PABPC4L: variants seen among roughly 807,000 people sequenced by gnomAD.
The protein encoded by PABPC4L is poly(A) binding protein cytoplasmic 4 like, also known as polyadenylate-binding protein 4-like.
For synonymous variants in PABPC4L, 169 were observed against 164.1 expected (o/e 1.03, Z -0.23); for missense variants, 452 against 451.4 (o/e 1.00, Z -0.01).
chr4:134,099,121 C>G, the PABPC4L span, among the ~76,000 whole-genome samples: 1 of 151,616 alleles, frequency 6.6e-6, no homozygotes, highest in Non-Finnish European at 1.5e-5. Context: ...CGATTTTACT[C>G]TTCAAATGGG....
At chr4:134,019,166 A>G in the PABPC4L span, among the ~76,000 whole-genome samples, 1 of 152,152 alleles carries the variant, frequency 6.6e-6, no homozygotes, top group Non-Finnish European at 1.5e-5. Context: ...TTGAATAAAG[A>G]ATGAGAGAAG....
the PABPC4L span, among the ~76,000 whole-genome samples, chr4:134,134,697 T>C: frequency 2.1e-5 from 3 of 144,532 alleles, no homozygotes; most frequent in Non-Finnish European, 4.5e-5. Flanking sequence ...ATATATAATA[T>C]ATATTTTAGA....
the PABPC4L span, among the ~76,000 whole-genome samples, chr4:134,015,214 G>A: frequency 6.6e-6 from 1 of 152,116 alleles, no homozygotes; most frequent in African/African-American, 2.4e-5. Flanking sequence ...ACCTGTTACA[G>A]CATGGCCTTT....
chr4:134,056,383 T>C, the PABPC4L span, among the ~76,000 whole-genome samples: 1 of 151,996 alleles, frequency 6.6e-6, no homozygotes, highest in African/African-American at 2.4e-5. Flanking sequence ...AATATTACTG[T>C]GATTTTGAAG....
At chr4:134,127,247 C>T in the PABPC4L span, among the ~76,000 whole-genome samples, 1 of 151,916 alleles carries the variant, frequency 6.6e-6, no homozygotes, top group African/African-American at 2.4e-5. Flanking sequence ...CTCAATGGCC[C>T]CGCCCCCCAC....
At chr4:134,073,437 A>G in the PABPC4L span, among the ~76,000 whole-genome samples, 12 of 152,174 alleles carry the variant, frequency 7.9e-5, 1 homozygote, top group African/African-American at 2.7e-4. Context: ...GTGGCTCTGC[A>G]GGGTATAGGC....
the PABPC4L span, among the ~76,000 whole-genome samples, chr4:133,989,495 C>T: frequency 9.2e-5 from 14 of 152,174 alleles, no homozygotes; most frequent in South Asian, 6.2e-4. Context: ...CATCTGAGAC[C>T]GTATCAGCCT....
At chr4:134,126,263 T>C in the PABPC4L span, among the ~76,000 whole-genome samples, 1 of 152,098 alleles carries the variant, frequency 6.6e-6, no homozygotes, top group African/African-American at 2.4e-5. Flanking sequence ...AACTAACATA[T>C]CTATCCCCAC....
chr4:134,098,030 C>T, the PABPC4L span, among the ~76,000 whole-genome samples: 1 of 151,590 alleles, frequency 6.6e-6, no homozygotes, highest in Non-Finnish European at 1.5e-5. Flanking sequence ...ATTTCTGATT[C>T]CTCTTTAAGA....
chr4:133,986,208 T>C, the PABPC4L span, among the ~76,000 whole-genome samples: 1 of 152,150 alleles, frequency 6.6e-6, no homozygotes, highest in Non-Finnish European at 1.5e-5. Flanking sequence ...TGTCTGGTAG[T>C]GAAAACTTAT....
the PABPC4L span, among the ~76,000 whole-genome samples, chr4:133,952,353 C>T: frequency 1.3e-5 from 2 of 152,264 alleles, no homozygotes; most frequent in South Asian, 4.1e-4. Context: ...ATCCATTACA[C>T]TGAACCACTT....
At chr4:134,030,033 C>T in the PABPC4L span, among the ~76,000 whole-genome samples, 1 of 152,044 alleles carries the variant, frequency 6.6e-6, no homozygotes, top group African/African-American at 2.4e-5. Context: ...GTGTTAGCTT[C>T]CCCTTCTGCC....
the PABPC4L span, among the ~76,000 whole-genome samples, chr4:134,065,374 T>G: frequency 6.6e-6 from 1 of 152,146 alleles, no homozygotes; most frequent in African/African-American, 2.4e-5. Context: ...ATATGCTTGT[T>G]GGCTGTACGT....
the PABPC4L span, among the ~76,000 whole-genome samples, chr4:134,128,052 G>A: frequency 1.3e-5 from 2 of 152,026 alleles, no homozygotes; most frequent in African/African-American, 4.8e-5. Context: ...ACAAGTAGAA[G>A]AAAGAACTTC....
At chr4:134,008,175 T>C in the PABPC4L span, among the ~76,000 whole-genome samples, 1 of 151,820 alleles carries the variant, frequency 6.6e-6, no homozygotes, top group Admixed American at 6.6e-5. Flanking sequence ...CTTGGTACTT[T>C]AGAAAAACTT....
the PABPC4L span, among the ~76,000 whole-genome samples, chr4:134,060,501 C>T: frequency 6.6e-6 from 1 of 151,530 alleles, no homozygotes; most frequent in African/African-American, 2.4e-5. Context: ...TCTTGAATAC[C>T]AGCTTAGTCA....
chr4:134,181,871 A>G, the PABPC4L span, among the ~76,000 whole-genome samples: 4 of 152,066 alleles, frequency 2.6e-5, no homozygotes, highest in Admixed American at 6.6e-5. Context: ...TAAAACACAG[A>G]TAACACAAAC....
rs1454988844 is a variant in PABPC4L at position 134,197,449 on chromosome 4, T to C, written c.*2458A>G. The C allele has an allele frequency of 6.6e-6, 1 of 151,718 alleles. No homozygotes were observed. The highest frequency in any genetic ancestry group is 1.5e-5 in the Non-Finnish European group (1 of 67,658). 9.4% of individuals were successfully genotyped at this position (151,718 alleles called of 1,614,324 possible). A position where few individuals can be genotyped will look rare whatever the true frequency, so the allele number is the denominator to read the frequency against. On this transcript the variant is annotated 3_prime_UTR_variant, in exon 2 of 2. Transcript: ENST00000421491. ...ATGTATTTAAAGTGTTCAAAATATT[T>C]TGAAGCATGACATCAAAGCCATTTC... is the stretch of plus-strand genomic sequence containing the variant.
At chr4:134,015,146 C>G in the PABPC4L span, among the ~76,000 whole-genome samples, 1 of 152,112 alleles carries the variant, frequency 6.6e-6, no homozygotes, top group Non-Finnish European at 1.5e-5. Flanking sequence ...TTACCCTGCT[C>G]AATGCCAATA....
Sources: gnomAD v4.1 joint callset for allele counts (sites outside exome capture counted in the v4.1 genomes callset) on GRCh38, gnomAD v4.1.1 for gene constraint, MANE v1.5 for transcripts, NCBI Gene and HGNC (gene_info 2026-07-23, HGNC 2026-07-21) for gene names.